Variants in INVS observed in about 807,000 individuals in gnomAD.
The protein encoded by INVS is inversion of embryo turning homolog.
A neutral mutation model predicts 108.8 loss-of-function variants in INVS; 86 were observed. The ratio of observed to expected loss-of-function variants is 0.79; its 90% confidence interval spans 0.66 to 0.95. The LOEUF is 0.95. Ranked by LOEUF, INVS falls within the 40% of genes least tolerant of loss-of-function variation. The probability of loss-of-function intolerance (pLI) is 0.00; values close to 1 mark genes in which losing one functional copy is unlikely to be tolerated. For missense variants in INVS, 1,169 were observed against 1,297.4 expected (o/e 0.90, Z 1.52); for synonymous variants, 455 against 473.5 (o/e 0.96, Z 0.51).
Position 100,301,594 on chromosome 9 carries a change from T to G in INVS, c.*920T>G, listed in dbSNP as rs1047836452. Among the ~76,000 whole-genome samples, 2 of 152,200 alleles carry G rather than the reference T, an allele frequency of 1.3e-5. No individual in the cohort carries two copies. Among genetic ancestry groups the G allele is most frequent in the African/African-American group, 4.8e-5 (2 of 41,450 alleles). On this transcript the variant is annotated 3_prime_UTR_variant, in exon 17 of 17. Transcript: ENST00000262457. The stretch of plus-strand genomic sequence containing the variant: ...GCATTCTAAGAACACCTGGTTTAAA[T>G]AAAATCCAGTGATGATGGGCTCTTT...
intron 10 of INVS, among the ~76,000 whole-genome samples, chr9:100,262,995 C>T (rs1832678502): frequency 6.6e-6 from 1 of 152,154 alleles, no homozygotes; most frequent in Admixed American, 6.6e-5. Flanking sequence ...AGCAATCTAC[C>T]TGCCTCAGCC....
At chr9:100,198,230 ATGGTGTTGACACATT>A (rs1276717351) in intron 3 of INVS, among the ~76,000 whole-genome samples, 2 of 135,352 alleles carry the variant, frequency 1.5e-5, no homozygotes, top group Non-Finnish European at 3.1e-5. Context: ...CTCAACTTTA[ATGGTGTTGACACATT>A]TGAAGATTGA....
chr9:100,104,842 A>G (rs555905336), intron 2 of INVS, among the ~76,000 whole-genome samples: 2 of 152,358 alleles, frequency 1.3e-5, no homozygotes, highest in East Asian at 1.9e-4. Context: ...AGAAATTTCT[A>G]TGTATTTAGC....
chr9:100,234,743 T>C (rs1020500238), intron 5 of INVS, among the ~76,000 whole-genome samples: 1 of 152,222 alleles, frequency 6.6e-6, no homozygotes, highest in African/African-American at 2.4e-5. Flanking sequence ...TCTGTTATGA[T>C]TTCCATTCTT....
chr9:100,138,535 T>A (rs183876076), intron 3 of INVS, among the ~76,000 whole-genome samples: 28 of 152,216 alleles, frequency 1.8e-4, no homozygotes, highest in African/African-American at 6.7e-4. Context: ...CCATTAATGT[T>A]TCTGTACCCA....
At chr9:100,161,559 G>T (rs1588050757) in intron 3 of INVS, among the ~76,000 whole-genome samples, 3 of 151,998 alleles carry the variant, frequency 2.0e-5, no homozygotes, top group Admixed American at 2.0e-4. Flanking sequence ...AGTTTACAAA[G>T]AACATAATTG....
intron 3 of INVS, chr9:100,175,697 G>T: frequency 1.6e-6 from 1 of 633,498 alleles, no homozygotes. Context: ...AAGGATGCTT[G>T]GCGAACATGT....
chr9:100,140,855 A>G (rs1247809956), intron 3 of INVS, among the ~76,000 whole-genome samples: 1 of 152,170 alleles, frequency 6.6e-6, no homozygotes, highest in South Asian at 2.1e-4. Flanking sequence ...ACGGTTTTGT[A>G]TGAATTGAAA....
chr9:100,264,893 TG>T lies in INVS; in HGVS notation c.1537del (p.Ala513LeufsTer27). ...DAIKLLLDFA[A>X]FPNQMENNEE... The stretch of plus-strand genomic sequence containing the variant: ...CCATTAAATTACTGCTAGACTTTGC[TG>T]CTTTCCCTAATCAGATGGAAAACAA... On this transcript the variant is annotated frameshift_variant, in exon 11 of 17. Transcript: ENST00000262457. LOFTEE classifies it high-confidence loss of function. 6.2e-7 allele frequency: 1 copy of T among 1,613,654 alleles called. No individual in the cohort carries two copies. Among genetic ancestry groups the T allele is most frequent in the South Asian group, 1.1e-5 (1 of 91,082 alleles).
chr9:100,129,596 A>G, intron 3 of INVS: 1 of 561,490 alleles, frequency 1.8e-6, no homozygotes, highest in Non-Finnish European at 3.3e-6. Flanking sequence ...AATTCTGGCC[A>G]TAATGGCTTA....
chr9:100,226,932 T>C (rs1831345489), intron 4 of INVS, among the ~76,000 whole-genome samples: 1 of 151,960 alleles, frequency 6.6e-6, no homozygotes, highest in Non-Finnish European at 1.5e-5. Flanking sequence ...CCCATGGCAA[T>C]GTCCTAAATG....
chr9:100,109,919 G>A (rs1006433351), intron 2 of INVS, among the ~76,000 whole-genome samples: 1 of 152,144 alleles, frequency 6.6e-6, no homozygotes, highest in African/African-American at 2.4e-5. Context: ...CGCCCGCCTC[G>A]GCCTCCCGAA....
chr9:100,202,281 CT>C (rs1830556698), intron 3 of INVS, among the ~76,000 whole-genome samples: 1 of 152,214 alleles, frequency 6.6e-6, no homozygotes, highest in Non-Finnish European at 1.5e-5. Flanking sequence ...ACCTAAATGG[CT>C]TCTGTTTCCT....
intron 3 of INVS, among the ~76,000 whole-genome samples, chr9:100,134,060 C>A (rs371114858): frequency 6.6e-6 from 1 of 152,004 alleles, no homozygotes; most frequent in East Asian, 1.9e-4. Flanking sequence ...ATATGCCGCA[C>A]CATATTTGTT....
chr9:100,278,330 A>G (rs757669015), intron 12 of INVS, among the ~76,000 whole-genome samples: 14 of 151,366 alleles, frequency 9.2e-5, no homozygotes, highest in Non-Finnish European at 2.1e-4. Context: ...GCCTGAAATA[A>G]CCTCTCAGTT....
intron 5 of INVS, among the ~76,000 whole-genome samples, chr9:100,232,199 GT>G (rs567105278): frequency 0.031 from 4,550 of 148,900 alleles, 97 homozygotes; most frequent in Non-Finnish European, 0.046. Flanking sequence ...TTTTTAATGA[GT>G]TTTTTTTTTC....
intron 3 of INVS, among the ~76,000 whole-genome samples, chr9:100,169,280 T>C (rs941755374): frequency 2.0e-5 from 3 of 152,204 alleles, no homozygotes; most frequent in Non-Finnish European, 4.4e-5. Context: ...TTAAGTGATA[T>C]CAATGGTATC....
At position 100,292,446 on chromosome 9, in the gene INVS, C is replaced by T. The variant is rs763766362; in HGVS notation, c.2189C>T (p.Ala730Val). The part of the protein sequence containing the change: ...PSVEKSRGET[A>V]GDERCAKGKG... ...GTTGAGAAGTCCAGAGGTGAGACAGCTGGCGATGAGCGGTGTGCAAAGGGG... is the reference window on the plus strand; with the variant it reads ...GTTGAGAAGTCCAGAGGTGAGACAGTTGGCGATGAGCGGTGTGCAAAGGGG... Residue 730 changes from alanine (A) to valine (V), a missense_variant, in exon 14 of 17, where the codon GCT (alanine) becomes GTT (valine). Ala to Val is a moderately conservative substitution (Grantham distance 64). This residue lies in a region of INVS where 533 missense variants were observed against 536.0 expected (regional missense o/e 0.99). Coordinates refer to ENST00000262457, the MANE Select transcript of INVS (RefSeq NM_014425.5). 3.7e-6 allele frequency: 6 copies of T among 1,614,168 alleles called. No individual in the cohort carries two copies. The highest frequency in any genetic ancestry group is 4.2e-6 in the Non-Finnish European group (5 of 1,180,038).
intron 2 of INVS, among the ~76,000 whole-genome samples, chr9:100,105,775 T>G (rs998858733): frequency 2.6e-5 from 4 of 152,068 alleles, no homozygotes; most frequent in African/African-American, 9.7e-5. Context: ...TCAGTTTTCC[T>G]TCTGTCTTTT....
Sources: gnomAD v4.1 joint callset for allele counts (sites outside exome capture counted in the v4.1 genomes callset) on GRCh38, gnomAD v4.1.1 for gene constraint, gnomAD v4.1.1 regional missense constraint, MANE v1.5 for transcripts, NCBI Gene and HGNC (gene_info 2026-07-23, HGNC 2026-07-21) for gene names.